Variants in FRMPD4 observed in about 807,000 individuals in gnomAD.
FRMPD4 encodes FERM and PDZ domain-containing protein 4.
FRMPD4 carries 22 observed loss-of-function variants against 94.1 expected under a neutral mutation model. The ratio of observed to expected loss-of-function variants is 0.23; its 90% CI spans 0.17 to 0.33. The LOEUF is 0.33. FRMPD4 is among the 10% of genes least tolerant of loss of function. FRMPD4 has a pLI of 1.00. For synonymous variants in FRMPD4, 631 were observed against 548.6 expected (o/e 1.15, Z -2.10); for missense variants, 1,111 against 1,339.9 (o/e 0.83, Z 2.67).
intron 10 of FRMPD4, among the ~76,000 whole-genome samples, chrX:12,702,302 T>A (rs2041800336): frequency 8.9e-6 from 1 of 112,415 alleles, no homozygotes; most frequent in Admixed American, 9.4e-5. Context: ...TTTCACACAT[T>A]AATTTGTTTA....
rs1014022485 is a variant in FRMPD4 at position 12,077,458 on chromosome X, A to T, written c.95+199440A>T. Reference sequence around the variant, plus strand: ...GTGTGGGGCTTTGAGCTGGAAACAGAGAAATCCACCTTCTTGACATTTCCT... The same window carrying T: ...GTGTGGGGCTTTGAGCTGGAAACAGTGAAATCCACCTTCTTGACATTTCCT... On this transcript the variant is annotated intron_variant, in intron 3 of 18. Coordinates refer to the FRMPD4 transcript ENST00000640291. Among the ~76,000 whole-genome samples the T allele has an allele frequency of 5.4e-5, 6 of 111,978 alleles. No individual in the cohort carries two copies. The East Asian group carries it at 1.4e-3, about 26-fold the overall frequency.
At chrX:12,184,235 C>T (rs749717142) in intron 1 of FRMPD4, among the ~76,000 whole-genome samples, 4 of 110,947 alleles carry the variant, frequency 3.6e-5, no homozygotes, top group African/African-American at 6.5e-5. Flanking sequence ...AATAAAAAAT[C>T]CTGAACGCCA....
chrX:12,120,611 A>G (rs138117228), intron 3 of FRMPD4, among the ~76,000 whole-genome samples: 97 of 112,179 alleles, frequency 8.6e-4, no homozygotes, highest in Middle Eastern at 4.6e-3. Context: ...CTAAGTAGAC[A>G]TTTCAATGAG....
intron 2 of FRMPD4, among the ~76,000 whole-genome samples, chrX:12,597,396 T>C (rs748137564): frequency 2.6e-4 from 29 of 112,543 alleles, no homozygotes; most frequent in Non-Finnish European, 5.1e-4. Flanking sequence ...AGTAGTGGTA[T>C]TGACAAATAG....
intron 1 of FRMPD4, among the ~76,000 whole-genome samples, chrX:12,311,464 C>G (rs915437282): frequency 9.0e-6 from 1 of 111,683 alleles, no homozygotes; most frequent in Admixed American, 9.5e-5. Flanking sequence ...TGGAGTTACC[C>G]AAATATATTT....
intron 1 of FRMPD4, among the ~76,000 whole-genome samples, chrX:12,333,349 A>C (rs549411123): frequency 9.0e-6 from 1 of 111,236 alleles, no homozygotes; most frequent in East Asian, 2.8e-4. Context: ...ACTTGGGCAT[A>C]TTTATTTTTT....
chrX:12,098,476 G>T lies in FRMPD4; in HGVS notation c.95+220458G>T, dbSNP rs982130711. Among the ~76,000 whole-genome samples, 6 of 112,144 alleles carry T rather than the reference G, an allele frequency of 5.4e-5. No homozygotes were observed. In the Admixed American group the frequency reaches 5.6e-4, roughly 11 times the overall value. ...AAGGTGAGGCTATGAGTGGCCTCGT[G>T]GTCAAATAAAGCAGAAGAAGTATGT... On this transcript the variant is annotated intron_variant, in intron 3 of 18. Transcript: ENST00000640291.
chrX:12,035,323 C>T (rs1010290917), intron 3 of FRMPD4, among the ~76,000 whole-genome samples: 1 of 111,162 alleles, frequency 9.0e-6, no homozygotes, highest in Non-Finnish European at 1.9e-5. Flanking sequence ...AAGTTGGTAC[C>T]GTGAGCTCTA....
At chrX:12,476,019 C>G (rs1474205054) in intron 1 of FRMPD4, among the ~76,000 whole-genome samples, 1 of 111,637 alleles carries the variant, frequency 9.0e-6, no homozygotes. Context: ...AATCCTAAGC[C>G]AAAAGAACAA....
At chrX:12,680,945 C>A (rs1429443990) in intron 5 of FRMPD4, among the ~76,000 whole-genome samples, 1 of 111,074 alleles carries the variant, frequency 9.0e-6, no homozygotes, top group Non-Finnish European at 1.9e-5. Flanking sequence ...CCTGGGAACA[C>A]CATGGCACTC....
rs753381723 is a variant in FRMPD4 at position 12,498,714 on chromosome X, T to C, written c.76T>C (p.Ser26Pro). Residue 26 changes from serine to proline, a missense_variant, in exon 2 of 17, where the codon TCG becomes CCG. Physicochemically the swap from Ser to Pro is moderately conservative, Grantham distance 74. This residue lies in a region of FRMPD4 where 140 missense variants were observed against 165.9 expected (regional missense o/e 0.84). Transcript: ENST00000675598. ...GAAGTCTTCAGGCTGGCCGCCTCCCTCGGGAACCTGGGGCTTGAGCCAGGT... is the reference window on the plus strand; with the variant it reads ...GAAGTCTTCAGGCTGGCCGCCTCCCCCGGGAACCTGGGGCTTGAGCCAGGT... ...RTKSSGWPPP[S>P]GTWGLSQVPP... is the part of the protein sequence containing the mutation. The C allele has an allele frequency of 6.7e-6, 8 of 1,197,893 alleles. No homozygotes were observed. Among genetic ancestry groups the C allele is most frequent in the Non-Finnish European group, 7.9e-6 (7 of 887,428 alleles).
intron 1 of FRMPD4, among the ~76,000 whole-genome samples, chrX:12,335,410 G>A (rs780449567): frequency 8.9e-6 from 1 of 112,018 alleles, no homozygotes; most frequent in South Asian, 3.7e-4. Flanking sequence ...TTACAGGCGT[G>A]AGCCACTGTG....
chrX:12,481,506 C>G (rs971125093), intron 1 of FRMPD4, among the ~76,000 whole-genome samples: 1 of 111,109 alleles, frequency 9.0e-6, no homozygotes, highest in African/African-American at 3.3e-5. Context: ...ACTTTCATGA[C>G]TCACCAAAAC....
chrX:12,082,379 T>C (rs747688760), intron 3 of FRMPD4, among the ~76,000 whole-genome samples: 1 of 112,213 alleles, frequency 8.9e-6, no homozygotes, highest in Admixed American at 9.4e-5. Context: ...CTCTTGCTAC[T>C]ACCATGTAAG....
chrX:12,243,979 A>G (rs2053919395), intron 1 of FRMPD4, among the ~76,000 whole-genome samples: 1 of 107,698 alleles, frequency 9.3e-6, no homozygotes, highest in African/African-American at 3.4e-5. Flanking sequence ...AATTTTTTGT[A>G]GAGATGGTAT....
chrX:12,273,483 A>G (rs1259653751), intron 1 of FRMPD4, among the ~76,000 whole-genome samples: 2 of 112,406 alleles, frequency 1.8e-5, no homozygotes, highest in Non-Finnish European at 3.8e-5. Flanking sequence ...TATTTTCCAA[A>G]TACAGATTGT....
chrX:12,705,526 C>T (rs1050162967), intron 11 of FRMPD4, among the ~76,000 whole-genome samples: 1 of 101,133 alleles, frequency 9.9e-6, no homozygotes, highest in African/African-American at 4.4e-5. Context: ...CCTCACCCCA[C>T]GACAATTTTT....
intron 3 of FRMPD4, among the ~76,000 whole-genome samples, chrX:11,908,617 A>G (rs1438475359): frequency 1.2e-4 from 13 of 111,999 alleles, no homozygotes; most frequent in Non-Finnish European, 9.4e-5. Context: ...ACCACAAAGT[A>G]GCAGTACTTT....
intron 1 of FRMPD4, among the ~76,000 whole-genome samples, chrX:12,252,039 A>G (rs753598339): frequency 8.9e-6 from 1 of 112,678 alleles, no homozygotes; most frequent in Non-Finnish European, 1.9e-5. Context: ...TTAGCTTTAT[A>G]GAAAATCTTA....
Sources: gnomAD v4.1 joint callset for allele counts (sites outside exome capture counted in the v4.1 genomes callset) on GRCh38, gnomAD v4.1.1 for gene constraint, gnomAD v4.1.1 regional missense constraint, MANE v1.5 for transcripts, NCBI Gene and HGNC (gene_info 2026-07-23, HGNC 2026-07-21) for gene names.